The following SLCO1A2 variants were observed in gnomAD, a reference collection of about 807,000 sequenced individuals.
SLCO1A2 encodes solute carrier organic anion transporter family member 1A2, also known as OATP-1.
A neutral mutation model predicts 69.0 loss-of-function variants in SLCO1A2; 67 were observed. The observed-to-expected ratio is 0.97, with a 90% CI of 0.80 to 1.19. The LOEUF is 1.19. Ranked by LOEUF, SLCO1A2 falls within the 50% of genes most tolerant of loss-of-function variation. SLCO1A2 has a pLI of 0.00. For synonymous variants in SLCO1A2, 260 were observed against 265.9 expected (o/e 0.98, Z 0.22); for missense variants, 787 against 793.7 (o/e 0.99, Z 0.10).
intron 2 of SLCO1A2, among the ~76,000 whole-genome samples, chr12:21,350,835 CAAAAAAAAAAAA>C (rs11454466): frequency 3.9e-4 from 16 of 40,728 alleles, no homozygotes; most frequent in South Asian, 1.6e-3. Context: ...GACTCTGTCT[CAAAAAAAAAAAA>C]AAAAAAAAAA....
chr12:21,396,082 G>A (rs896572772), upstream of SLCO1A2, among the ~76,000 whole-genome samples: 36 of 151,716 alleles, frequency 2.4e-4, no homozygotes, highest in Non-Finnish European at 5.0e-4. Context: ...TCTGAGCTAC[G>A]GGAGGACATT....
intron 2 of SLCO1A2, among the ~76,000 whole-genome samples, chr12:21,327,043 C>T (rs1016694704): frequency 1.3e-5 from 2 of 152,036 alleles, no homozygotes; most frequent in Admixed American, 1.3e-4. Flanking sequence ...GGCCCAGAGG[C>T]CTAGGAGGAA....
chr12:21,271,930 T>C (rs1942950449), intron 14 of SLCO1A2, among the ~76,000 whole-genome samples: 1 of 150,800 alleles, frequency 6.6e-6, no homozygotes, highest in Non-Finnish European at 1.5e-5. Flanking sequence ...CTTTGATTAC[T>C]GGTTGGCTTA....
At chr12:21,372,921 T>G in intron 2 of SLCO1A2, 1 of 206,534 alleles carries the variant, frequency 4.8e-6, no homozygotes, top group Non-Finnish European at 9.7e-6. Flanking sequence ...AATATTCCAG[T>G]GGATACAAGC....
At chr12:21,378,221 TG>T in intron 1 of SLCO1A2, 1 of 1,613,084 alleles carries the variant, frequency 6.2e-7, no homozygotes, top group Non-Finnish European at 8.5e-7. Flanking sequence ...TTTTCACATT[TG>T]TTCCATGTTA....
At chr12:21,346,244 C>T (rs540835090) in intron 2 of SLCO1A2, among the ~76,000 whole-genome samples, 5 of 151,994 alleles carry the variant, frequency 3.3e-5, no homozygotes, top group African/African-American at 9.6e-5. Context: ...CAGATTAATC[C>T]GTAAAACAAT....
chr12:21,271,434 A>G (rs1319529276), intron 14 of SLCO1A2, among the ~76,000 whole-genome samples: 1 of 150,262 alleles, frequency 6.7e-6, no homozygotes, highest in African/African-American at 2.5e-5. Flanking sequence ...TTTTAAAAAT[A>G]TATTGTTTCA....
At chr12:21,382,805 A>AG (rs1215148623) in intron 1 of SLCO1A2, among the ~76,000 whole-genome samples, 2 of 151,786 alleles carry the variant, frequency 1.3e-5, no homozygotes, top group Non-Finnish European at 2.9e-5. Flanking sequence ...AAAAAAAAAA[A>AG]AAAAGAAAGA....
intron 2 of SLCO1A2, among the ~76,000 whole-genome samples, chr12:21,361,289 T>C (rs1157671083): frequency 6.6e-6 from 1 of 152,188 alleles, no homozygotes; most frequent in Admixed American, 6.5e-5. Context: ...GGAGTGGACC[T>C]CCAGCAAACT....
chr12:21,351,912 C>T (rs924929071), intron 2 of SLCO1A2, among the ~76,000 whole-genome samples: 3 of 152,142 alleles, frequency 2.0e-5, no homozygotes, highest in Non-Finnish European at 2.9e-5. Flanking sequence ...TACACAAGCT[C>T]ACCAACATCC....
chr12:21,416,978 T>C (rs1195741680), intron 1 of SLCO1A2, among the ~76,000 whole-genome samples: 1 of 152,158 alleles, frequency 6.6e-6, no homozygotes, highest in East Asian at 1.9e-4. Context: ...TAAGCTGGAA[T>C]GTTAAGTATT....
intron 12 of SLCO1A2, among the ~76,000 whole-genome samples, chr12:21,282,932 A>G (rs1945074309): frequency 6.6e-6 from 1 of 152,096 alleles, no homozygotes; most frequent in Non-Finnish European, 1.5e-5. Flanking sequence ...AAGAGGATAC[A>G]AATAAATGAA....
At chr12:21,348,581 CTTTT>C (rs1177587133) in intron 2 of SLCO1A2, among the ~76,000 whole-genome samples, 2 of 152,126 alleles carry the variant, frequency 1.3e-5, no homozygotes, top group Admixed American at 6.5e-5. Context: ...GGATCTCATT[CTTTT>C]TTTACTCCCT....
At chr12:21,306,249 TCA>T (rs1339317441) in intron 5 of SLCO1A2, among the ~76,000 whole-genome samples, 1 of 152,174 alleles carries the variant, frequency 6.6e-6, no homozygotes, top group Non-Finnish European at 1.5e-5. Context: ...ATACACCAAA[TCA>T]TCAGCATAAA....
chr12:21,346,751 C>G (rs570616903), intron 2 of SLCO1A2, among the ~76,000 whole-genome samples: 1 of 152,256 alleles, frequency 6.6e-6, no homozygotes, highest in Admixed American at 6.5e-5. Context: ...CTGCTCTACT[C>G]CCCCATAAAA....
intron 12 of SLCO1A2, among the ~76,000 whole-genome samples, chr12:21,282,496 A>G (rs1170261025): frequency 6.6e-6 from 1 of 152,094 alleles, no homozygotes; most frequent in Non-Finnish European, 1.5e-5. Flanking sequence ...CTGAGTGGGG[A>G]AAAACTGAAA....
At chr12:21,319,252 T>G (rs1951275350) in intron 2 of SLCO1A2, 4 of 998,530 alleles carry the variant, frequency 4.0e-6, no homozygotes, top group Non-Finnish European at 5.8e-6. Context: ...ATATCTAAAG[T>G]ACAAAAGAAT....
chr12:21,344,231 A>G (rs1459122399), intron 2 of SLCO1A2, among the ~76,000 whole-genome samples: 2 of 152,102 alleles, frequency 1.3e-5, no homozygotes, highest in African/African-American at 2.4e-5. Flanking sequence ...CTACAATGAC[A>G]GAATCATAAA....
Position 21,349,087 on chromosome 12 carries a change from T to A in SLCO1A2, c.-62-14378A>T, listed in dbSNP as rs527657210. ...CCTAAAATTCCTGTAAAAATTAAGA[T>A]CTATTTTTTAAAAGGGGAGGAGAGA... On this transcript the variant is annotated intron_variant, in intron 2 of 15. Transcript: ENST00000307378. Among the ~76,000 whole-genome samples, 7 of 152,232 alleles carry A rather than the reference T, an allele frequency of 4.6e-5. No homozygotes were observed. In the East Asian group the frequency reaches 1.2e-3, roughly 25 times the overall value.
Sources: allele counts gnomAD v4.1 joint callset (sites outside exome capture counted in the v4.1 genomes callset), GRCh38; gene constraint gnomAD v4.1.1; transcripts MANE v1.5; gene names NCBI Gene and HGNC (gene_info 2026-07-23, HGNC 2026-07-21).